Variants in ABHD18 observed in about 807,000 individuals in gnomAD.
ABHD18 encodes cardiolipin-specific deacylase, mitochondrial.
A neutral mutation model predicts 65.9 loss-of-function variants in ABHD18; 55 were observed. That is an observed-to-expected ratio of 0.84 (90% CI 0.67 to 1.05). ABHD18 has a LOEUF of 1.05. Among genes scored for constraint, ABHD18 ranks in the 50% least tolerant of loss-of-function variants. The pLI, the probability that ABHD18 is intolerant of heterozygous loss-of-function variation, is 0.00. For missense variants in ABHD18, 533 were observed against 558.5 expected, an observed-to-expected ratio of 0.95 and a Z score of 0.46; for synonymous variants, 181 against 180.2, an observed-to-expected ratio of 1.00 and a Z score of -0.04.
chr4:127,973,536 C>T (rs2149044045), intron 1 of ABHD18, among the ~76,000 whole-genome samples: 1 of 152,250 alleles, frequency 6.6e-6, no homozygotes, highest in East Asian at 1.9e-4. Flanking sequence ...TCAAGATCCT[C>T]AAATTCTGAT....
At chr4:128,033,127 G>T (rs1472030750) in intron 12 of ABHD18, among the ~76,000 whole-genome samples, 2 of 152,026 alleles carry the variant, frequency 1.3e-5, no homozygotes, top group African/African-American at 4.8e-5. Flanking sequence ...GGTGGCGGGT[G>T]CCTGTAGTCC....
At chr4:127,970,937 T>C (rs1178316716) in intron 1 of ABHD18, among the ~76,000 whole-genome samples, 2 of 151,864 alleles carry the variant, frequency 1.3e-5, no homozygotes, top group East Asian at 3.9e-4. Flanking sequence ...TAGTCAGAAG[T>C]GGTGGTACAT....
At chr4:127,974,191 T>TG (rs1560817932) in intron 1 of ABHD18, among the ~76,000 whole-genome samples, 2 of 123,596 alleles carry the variant, frequency 1.6e-5, no homozygotes, top group African/African-American at 6.7e-5. Context: ...AAGTTCTGTT[T>TG]TTTTTTTTTT....
At chr4:127,989,091 A>G (rs1035683707) in intron 3 of ABHD18, among the ~76,000 whole-genome samples, 11 of 152,230 alleles carry the variant, frequency 7.2e-5, no homozygotes, top group Non-Finnish European at 1.5e-4. Context: ...TTATTGAACC[A>G]TAAAAAAGAA....
chr4:128,032,172 A>G lies in ABHD18; in HGVS notation c.1343+1500A>G, dbSNP rs527367966. On this transcript the variant is annotated intron_variant, in intron 12 of 12. Transcript: ENST00000645843. ...CATTTGAGAGAGATAAATGTTAACT[A>G]TTATCATGTGCCAGATGCTAGGGCA... Among the ~76,000 whole-genome samples, 25 of 152,326 alleles carry G rather than the reference A, an allele frequency of 1.6e-4. No individual in the cohort carries two copies. In the South Asian group the frequency reaches 5.0e-3, roughly 30 times the overall value.
At chr4:128,031,041 A>G (rs1758133261) in intron 12 of ABHD18, 2 of 1,004,532 alleles carry the variant, frequency 2.0e-6, no homozygotes, top group Non-Finnish European at 1.2e-6. Flanking sequence ...TGGCCTGAAC[A>G]TCTGTGGAAT....
chr4:127,989,060 G>A (rs940875734), intron 3 of ABHD18, among the ~76,000 whole-genome samples: 1 of 152,180 alleles, frequency 6.6e-6, no homozygotes, highest in Non-Finnish European at 1.5e-5. Context: ...TAAAGAAAAT[G>A]TACAAATATG....
intron 12 of ABHD18, among the ~76,000 whole-genome samples, chr4:128,032,862 C>T (rs1412353699): frequency 6.6e-6 from 1 of 152,156 alleles, no homozygotes; most frequent in Non-Finnish European, 1.5e-5. Context: ...ATTACATGTA[C>T]ACAAGCCCGT....
chr4:128,014,599 A>G (rs1432667521), intron 7 of ABHD18, among the ~76,000 whole-genome samples: 2 of 152,272 alleles, frequency 1.3e-5, no homozygotes, highest in Admixed American at 1.3e-4. Context: ...TAATGGCCCT[A>G]TGTATTTGAT....
At chr4:128,026,789 CTT>C (rs1389977770) in intron 10 of ABHD18, among the ~76,000 whole-genome samples, 13 of 142,234 alleles carry the variant, frequency 9.1e-5, no homozygotes, top group Non-Finnish European at 1.1e-4. Context: ...TTTTCTTTTT[CTT>C]TTTTTTTTTT....
chr4:127,987,234 C>A (rs1750123481), intron 3 of ABHD18, among the ~76,000 whole-genome samples: 1 of 151,850 alleles, frequency 6.6e-6, no homozygotes, highest in African/African-American at 2.4e-5. Flanking sequence ...TGCCTGTAAT[C>A]CCAGCTACTT....
At chr4:127,978,715 A>G (rs757212790) in intron 1 of ABHD18, among the ~76,000 whole-genome samples, 1 of 152,306 alleles carries the variant, frequency 6.6e-6, no homozygotes, top group Non-Finnish European at 1.5e-5. Flanking sequence ...TGACTTGTTA[A>G]AAGTCTTATA....
In ABHD18 at chr4:127,984,444, C is replaced by T. The variant is rs774537335; in HGVS notation, c.177+21C>T. The T allele has an allele frequency of 3.8e-5, 53 of 1,386,030 alleles. 1 individual carries two copies. In the Middle Eastern group the frequency reaches 7.2e-4, roughly 19 times the overall value. 85.9% of individuals were successfully genotyped at this position (1,386,030 alleles called of 1,614,324 possible). On this transcript the variant is annotated intron_variant, in intron 3 of 12. Coordinates refer to ENST00000645843, the MANE Select transcript of ABHD18 (RefSeq NM_001358451.3). The stretch of plus-strand genomic sequence containing the variant: ...ATAAGGTATTCAAATGAGAGAAACA[C>T]AGTTATAGGAATTGTGGTTTGACAT...
At chr4:127,990,181 A>G (rs1254473541) in intron 4 of ABHD18, among the ~76,000 whole-genome samples, 3 of 152,238 alleles carry the variant, frequency 2.0e-5, no homozygotes, top group Non-Finnish European at 4.4e-5. Flanking sequence ...ACAAGTATGC[A>G]CAAACAATCA....
chr4:128,019,577 T>TA (rs1277147960), intron 8 of ABHD18, among the ~76,000 whole-genome samples: 2 of 152,214 alleles, frequency 1.3e-5, no homozygotes, highest in Non-Finnish European at 2.9e-5. Flanking sequence ...TTTGAAAAGA[T>TA]AAAGTTTTCC....
chr4:128,001,392 G>T (rs1752607611), intron 4 of ABHD18, among the ~76,000 whole-genome samples: 2 of 152,282 alleles, frequency 1.3e-5, no homozygotes, highest in South Asian at 4.2e-4. Context: ...CTATTGAGAT[G>T]ATCATGTGGT....
At chr4:128,015,666 G>A (rs1057376447) in intron 7 of ABHD18, among the ~76,000 whole-genome samples, 6 of 152,124 alleles carry the variant, frequency 3.9e-5, no homozygotes, top group African/African-American at 1.4e-4. Context: ...TAGGACAGTG[G>A]AAGTAAGCTC....
At position 128,038,081 on chromosome 4, in the gene ABHD18, A is replaced by G. The variant is rs1759039671; in HGVS notation, c.*2268A>G. On this transcript the variant is annotated 3_prime_UTR_variant, in exon 13 of 13. Coordinates refer to ENST00000645843, the MANE Select transcript of ABHD18 (RefSeq NM_001358451.3). ...TTGCAGTCTTTTTAAAGGAGATTTC[A>G]TTTGTCACCTCTATGCCTCTATCAT... 6.6e-6 allele frequency: 1 copy of G among 152,190 alleles called. No individual in the cohort carries two copies. The highest frequency in any genetic ancestry group is 1.5e-5 in the Non-Finnish European group (1 of 68,024). The allele number at this position is 152,190 out of a possible 1,614,324, so 9.4% of individuals were successfully genotyped here. A position where few individuals can be genotyped will look rare whatever the true frequency, so the allele number is the denominator to read the frequency against.
intron 1 of ABHD18, among the ~76,000 whole-genome samples, chr4:127,973,037 C>T (rs919236047): frequency 6.2e-4 from 95 of 152,016 alleles, no homozygotes; most frequent in South Asian, 2.1e-4. Flanking sequence ...TTTCTTAGAC[C>T]GGGTCTCACT....
Sources: gnomAD v4.1 joint callset for allele counts (sites outside exome capture counted in the v4.1 genomes callset) on GRCh38, gnomAD v4.1.1 for gene constraint, MANE v1.5 for transcripts, NCBI Gene and HGNC (gene_info 2026-07-23, HGNC 2026-07-21) for gene names.